The following MRTFA variants were observed in gnomAD, a reference collection of about 807,000 sequenced individuals.
MRTFA encodes myocardin-related transcription factor A.
Under a neutral mutation model 83.5 loss-of-function variants are expected in MRTFA, and 20 were observed. The observed-to-expected ratio is 0.24, with a 90% CI of 0.17 to 0.35. MRTFA has a LOEUF of 0.35. MRTFA is among the 10% of genes least tolerant of loss of function. The pLI, the probability that MRTFA is intolerant of heterozygous loss-of-function variation, is 1.00. For synonymous variants in MRTFA, 659 were observed against 541.2 expected, an observed-to-expected ratio of 1.22 and a Z score of -3.02; for missense variants, 1,200 against 1,224.7, an observed-to-expected ratio of 0.98 and a Z score of 0.30.
intron 1 of MRTFA, among the ~76,000 whole-genome samples, chr22:40,603,669 T>C (rs2056285104): frequency 6.6e-6 from 1 of 151,962 alleles, no homozygotes; most frequent in Non-Finnish European, 1.5e-5. Flanking sequence ...TACTTACAGA[T>C]GAAATGGCAA....
intron 1 of MRTFA, among the ~76,000 whole-genome samples, chr22:40,627,241 G>A (rs904689705): frequency 6.6e-6 from 1 of 152,006 alleles, no homozygotes; most frequent in Non-Finnish European, 1.5e-5. Context: ...CGATCTCCCG[G>A]GCTCATGCAC....
At chr22:40,462,638 G>A (rs1602284379) in intron 4 of MRTFA, among the ~76,000 whole-genome samples, 2 of 152,052 alleles carry the variant, frequency 1.3e-5, no homozygotes, top group East Asian at 3.9e-4. Flanking sequence ...AGATTCCAAG[G>A]TTTGGTTTCA....
chr22:40,485,070 CAA>C (rs60665723), intron 3 of MRTFA, among the ~76,000 whole-genome samples: 19 of 114,906 alleles, frequency 1.7e-4, no homozygotes, highest in East Asian at 7.0e-4. Flanking sequence ...GACTCCGTCT[CAA>C]AAAAAAAAAA....
At chr22:40,612,484 C>A (rs185741272) in intron 1 of MRTFA, among the ~76,000 whole-genome samples, 1 of 152,182 alleles carries the variant, frequency 6.6e-6, no homozygotes, top group African/African-American at 2.4e-5. Context: ...AAATTTGGCA[C>A]GCAAACGTTT....
chr22:40,451,290 T>C (rs1177672623), intron 4 of MRTFA, among the ~76,000 whole-genome samples: 1 of 152,126 alleles, frequency 6.6e-6, no homozygotes, highest in Non-Finnish European at 1.5e-5. Flanking sequence ...CCATGATAAA[T>C]GAGCACCAAA....
rs970525248 is a variant in MRTFA, at chr22:40,420,486, C to A, written c.1272G>T (p.Gly424=). The A allele has an allele frequency of 1.5e-5, 25 of 1,613,800 alleles. No homozygotes were observed. The highest frequency in any genetic ancestry group is 2.1e-5 in the Non-Finnish European group (25 of 1,180,036). Residue 424 remains glycine (G), a synonymous_variant, in exon 11 of 15, where the codon GGG becomes GGT. Transcript: ENST00000355630. Reference sequence around the variant, plus strand: ...TGTTCTGACGTGCCAGCCCACAGGGCCCAGGGGCGCCCGAGCTGGAGCTGC... The same window carrying A: ...TGTTCTGACGTGCCAGCCCACAGGGACCAGGGGCGCCCGAGCTGGAGCTGC...
intron 3 of MRTFA, among the ~76,000 whole-genome samples, chr22:40,464,989 C>T (rs925598219): frequency 6.6e-6 from 1 of 152,098 alleles, no homozygotes; most frequent in Non-Finnish European, 1.5e-5. Flanking sequence ...TGTCTCTCTC[C>T]CATTTCAAGT....
chr22:40,613,978 T>C (rs1259409015), intron 1 of MRTFA, among the ~76,000 whole-genome samples: 1 of 151,886 alleles, frequency 6.6e-6, no homozygotes, highest in African/African-American at 2.4e-5. Flanking sequence ...GGCGGGCGGA[T>C]CACCTGAGGT....
chr22:40,575,909 C>T (rs1485051527), intron 2 of MRTFA, among the ~76,000 whole-genome samples: 1 of 152,064 alleles, frequency 6.6e-6, no homozygotes, highest in Non-Finnish European at 1.5e-5. Flanking sequence ...ACTAACAATG[C>T]TAAGACAGTA....
At position 40,419,060 on chromosome 22, in the gene MRTFA, G is replaced by A. The variant is rs564382176; in HGVS notation, c.1678C>T (p.Arg560Cys). 2.3e-5 allele frequency: 37 copies of A among 1,609,906 alleles called. No homozygotes were observed. The highest frequency in any genetic ancestry group is 5.0e-5 in the Admixed American group (3 of 59,616). Residue 560 changes from arginine (R) to cysteine (C), a missense_variant, in exon 12 of 15, where the codon CGC becomes TGC. Arg to Cys is a radical substitution (Grantham distance 180, BLOSUM62 -3). Around this residue, in one of 2 missense-constraint regions of MRTFA, gnomAD observed 1,107 missense variants for 1,041.8 expected, o/e 1.06. Coordinates refer to ENST00000355630, the MANE Select transcript of MRTFA (RefSeq NM_020831.6). Reference sequence around the variant, plus strand: ...TCATCGCCCGTGCTGAGCAGTGAGCGCTCCGAGGGGGTGGGAGACACGGGG... The same window carrying A: ...TCATCGCCCGTGCTGAGCAGTGAGCACTCCGAGGGGGTGGGAGACACGGGG...
intron 3 of MRTFA, among the ~76,000 whole-genome samples, chr22:40,496,365 C>T (rs944727622): frequency 3.5e-5 from 5 of 143,512 alleles, no homozygotes; most frequent in Non-Finnish European, 7.6e-5. Context: ...TCTATATATG[C>T]ACAGGAGAGA....
At chr22:40,580,927 T>A (rs988978886) in intron 2 of MRTFA, among the ~76,000 whole-genome samples, 4 of 152,206 alleles carry the variant, frequency 2.6e-5, no homozygotes, top group Non-Finnish European at 5.9e-5. Flanking sequence ...TTGTCTTAAC[T>A]GATCATAACA....
At chr22:40,435,429 T>C in intron 5 of MRTFA, 70 bp downstream of exon 5, 11 of 1,496,186 alleles carry the variant, frequency 7.4e-6, no homozygotes, top group Non-Finnish European at 1.0e-5. Context: ...TAAATGGAAA[T>C]ATAACCAGCA....
intron 3 of MRTFA, among the ~76,000 whole-genome samples, chr22:40,525,985 T>C (rs1019520889): frequency 2.6e-5 from 4 of 151,840 alleles, no homozygotes; most frequent in Admixed American, 2.6e-4. Context: ...CAAAATAGGA[T>C]GGTCAGGGAG....
At chr22:40,528,737 C>CAAA (rs11321951) in intron 3 of MRTFA, among the ~76,000 whole-genome samples, 2 of 116,596 alleles carry the variant, frequency 1.7e-5, no homozygotes, top group Non-Finnish European at 1.8e-5. Context: ...AACTCTGCTT[C>CAAA]AAAAAAAAAA....
At position 40,411,144 on chromosome 22, in the gene MRTFA, G is replaced by C; in HGVS notation, c.*246C>G. ...GTCAAGCTGAAATGGCCCTGACCCT[G>C]ACCGTGTGTCCAAAACCCCAGCGTG... On this transcript the variant is annotated 3_prime_UTR_variant, in exon 15 of 15. Coordinates refer to ENST00000355630, the MANE Select transcript of MRTFA (RefSeq NM_020831.6). 1 of 401,030 alleles carries C rather than the reference G, an allele frequency of 2.5e-6. No homozygotes were observed. Among genetic ancestry groups the C allele is most frequent in the Non-Finnish European group, 4.4e-6 (1 of 226,044 alleles). The allele number at this position is 401,030 out of a possible 1,614,324, so 24.8% of individuals were successfully genotyped here.
At position 40,620,855 on chromosome 22, in the gene MRTFA, T is replaced by C. The variant is rs374768894; in HGVS notation, c.-84+15623A>G. ...TTATATCAGCAGAAACACTGTCAAC[T>C]TGGACTGAAAGGACAAATAAAGAAT... On this transcript the variant is annotated intron_variant, in intron 1 of 14. Coordinates refer to ENST00000355630, the MANE Select transcript of MRTFA (RefSeq NM_020831.6). Among the ~76,000 whole-genome samples, 7 of 152,128 alleles carry C rather than the reference T, an allele frequency of 4.6e-5. No homozygotes were observed. The South Asian group carries it at 8.3e-4, about 18-fold the overall frequency.
intron 4 of MRTFA, among the ~76,000 whole-genome samples, chr22:40,458,125 T>G (rs1311342826): frequency 6.6e-6 from 1 of 152,160 alleles, no homozygotes; most frequent in East Asian, 1.9e-4. Context: ...ATCTTTGGAT[T>G]TCAAGACCAG....
chr22:40,432,257 CA>C (rs1362204173), intron 5 of MRTFA, among the ~76,000 whole-genome samples: 1 of 151,116 alleles, frequency 6.6e-6, no homozygotes, highest in Admixed American at 6.6e-5. Flanking sequence ...AAAAAACAAA[CA>C]AAAAAAACCA....
Sources: gnomAD v4.1 joint callset for allele counts (sites outside exome capture counted in the v4.1 genomes callset) on GRCh38, gnomAD v4.1.1 for gene constraint, gnomAD v4.1.1 regional missense constraint, MANE v1.5 for transcripts, NCBI Gene and HGNC (gene_info 2026-07-23, HGNC 2026-07-21) for gene names.